Variants in TRMT11 observed in about 807,000 individuals in gnomAD.
TRMT11 encodes the protein tRNA methyltransferase 11, also known as tRNA (guanine(10)-N(2))-methyltransferase TRMT11.
In TRMT11, 53 loss-of-function variants were observed where a neutral mutation model predicts 62.8. The observed-to-expected ratio is 0.84, with a 90% CI of 0.68 to 1.06. The LOEUF (loss-of-function observed/expected upper bound fraction) is 1.06, where lower values mean the gene tolerates loss of function less well. Ranked by LOEUF, TRMT11 falls within the 50% of genes least tolerant of loss-of-function variation. The pLI is 0.00. For missense variants in TRMT11, 556 were observed against 553.4 expected, an observed-to-expected ratio of 1.00 and a Z score of -0.05; for synonymous variants, 188 against 190.3, an observed-to-expected ratio of 0.99 and a Z score of 0.10.
chr6:126,151,874 CTCCTTCCTTCCTTGTCTT>C (rs1778055262), intron 21 of TRMT11, among the ~76,000 whole-genome samples: 1 of 79,650 alleles, frequency 1.3e-5, no homozygotes, highest in Non-Finnish European at 2.5e-5. Context: ...TTCCTTCTTT[CTCCTTCCTTCCTTGTCTT>C]TTTCTTTCTT....
the TRMT11 span, among the ~76,000 whole-genome samples, chr6:126,219,178 C>T: frequency 6.6e-6 from 1 of 152,228 alleles, no homozygotes; most frequent in African/African-American, 2.4e-5. Context: ...GATGGCTCCC[C>T]TGATTTTTGG....
chr6:126,091,566 C>G (rs960937093), intron 17 of TRMT11, among the ~76,000 whole-genome samples: 1 of 152,108 alleles, frequency 6.6e-6, no homozygotes, highest in Non-Finnish European at 1.5e-5. Context: ...ACTCTTTGCT[C>G]TCTTAAACTC....
At chr6:126,050,280 A>G (rs1233066255) in intron 16 of TRMT11, among the ~76,000 whole-genome samples, 3 of 150,998 alleles carry the variant, frequency 2.0e-5, no homozygotes. Flanking sequence ...CAGTGAGCCA[A>G]GATTGTGCCA....
At chr6:126,194,697 T>C (rs1008054817) in intron 1 of TRMT11, among the ~76,000 whole-genome samples, 1 of 152,214 alleles carries the variant, frequency 6.6e-6, no homozygotes, top group Non-Finnish European at 1.5e-5. Context: ...ATTAACAAAC[T>C]TATTTGCTTT....
At chr6:126,171,414 A>G (rs1458735763) in intron 21 of TRMT11, among the ~76,000 whole-genome samples, 4 of 152,162 alleles carry the variant, frequency 2.6e-5, no homozygotes, top group Non-Finnish European at 4.4e-5. Flanking sequence ...TTATTTCATC[A>G]GAACTTGGTG....
chr6:126,104,229 G>A (rs757014622), intron 17 of TRMT11, among the ~76,000 whole-genome samples: 3 of 152,102 alleles, frequency 2.0e-5, no homozygotes, highest in Non-Finnish European at 4.4e-5. Context: ...ATGAATAGTC[G>A]CCGTTCAAAG....
intron 17 of TRMT11, among the ~76,000 whole-genome samples, chr6:126,072,413 C>T (rs182174190): frequency 8.5e-5 from 13 of 152,272 alleles, no homozygotes; most frequent in South Asian, 2.1e-4. Flanking sequence ...TTCTGCAAAT[C>T]CCATGCTTGT....
intron 17 of TRMT11, among the ~76,000 whole-genome samples, chr6:126,094,628 A>C (rs976007078): frequency 1.3e-5 from 2 of 152,192 alleles, no homozygotes; most frequent in South Asian, 4.1e-4. Context: ...GCGGGCATAG[A>C]GAATGCCAAG....
chr6:126,224,367 G>A, the TRMT11 span, among the ~76,000 whole-genome samples: 1 of 152,218 alleles, frequency 6.6e-6, no homozygotes, highest in African/African-American at 2.4e-5. Context: ...TGTGGTATAA[G>A]TTGGGTTCAA....
chr6:126,167,739 T>C (rs974714470), intron 21 of TRMT11, among the ~76,000 whole-genome samples: 2 of 152,206 alleles, frequency 1.3e-5, no homozygotes, highest in African/African-American at 2.4e-5. Flanking sequence ...CTCAAATGTA[T>C]GCAAGTGATA....
upstream of TRMT11, among the ~76,000 whole-genome samples, chr6:126,172,498 A>G (rs1778341654): frequency 6.6e-6 from 1 of 152,212 alleles, no homozygotes; most frequent in Admixed American, 6.5e-5. Flanking sequence ...TACCTCACAG[A>G]TTGCTCAGAA....
At chr6:125,988,609 T>C (rs1790059257) in intron 1 of TRMT11, among the ~76,000 whole-genome samples, 1 of 151,998 alleles carries the variant, frequency 6.6e-6, no homozygotes, top group South Asian at 2.1e-4. Flanking sequence ...TCTTGAGAGA[T>C]GATGGGCCAG....
At chr6:126,091,322 C>A (rs1777274374) in intron 17 of TRMT11, among the ~76,000 whole-genome samples, 2 of 152,126 alleles carry the variant, frequency 1.3e-5, no homozygotes, top group African/African-American at 4.8e-5. Context: ...AGGCCGTAAC[C>A]TACGCGTACC....
At chr6:126,091,417 G>A (rs1328014463) in intron 17 of TRMT11, among the ~76,000 whole-genome samples, 1 of 152,080 alleles carries the variant, frequency 6.6e-6, no homozygotes, top group Non-Finnish European at 1.5e-5. Context: ...AGCCAATCCA[G>A]CTGTTTCTGT....
the TRMT11 span, among the ~76,000 whole-genome samples, chr6:126,209,265 G>A: frequency 6.6e-6 from 1 of 152,108 alleles, no homozygotes; most frequent in African/African-American, 2.4e-5. Context: ...ATTATGATTA[G>A]TGTCATCATT....
At chr6:126,003,319 T>C (rs931628669) in intron 7 of TRMT11, among the ~76,000 whole-genome samples, 8 of 152,188 alleles carry the variant, frequency 5.3e-5, no homozygotes, top group African/African-American at 1.7e-4. Flanking sequence ...GTGTATTTTA[T>C]GTACAGCCCA....
rs572445437 is a variant in TRMT11 at position 126,065,377 on chromosome 6, C to T, written c.*1437+12187C>T. On this transcript the variant is annotated intron_variant and NMD_transcript_variant, in intron 17 of 22. Transcript: ENST00000648977. Reference sequence around the variant, plus strand: ...GCTGAGAGGCAACCACAGAGAGCCACGCCTTCAGGCAGCATGTAGGATACC... The same window carrying T: ...GCTGAGAGGCAACCACAGAGAGCCATGCCTTCAGGCAGCATGTAGGATACC... 8.5e-5 allele frequency among the ~76,000 whole-genome samples: 13 copies of T among 152,204 alleles called. No individual in the cohort carries two copies. In the South Asian group the frequency reaches 1.9e-3, roughly 22 times the overall value.
At chr6:126,203,284 C>T (rs574569658), downstream of TRMT11, among the ~76,000 whole-genome samples, 2 of 152,336 alleles carry the variant, frequency 1.3e-5, no homozygotes, top group East Asian at 3.9e-4. Flanking sequence ...GCAAATTACT[C>T]AGCTGGTCTA....
intron 21 of TRMT11, among the ~76,000 whole-genome samples, chr6:126,145,088 G>A (rs1343772348): frequency 2.0e-5 from 3 of 152,144 alleles, no homozygotes; most frequent in East Asian, 3.8e-4. Flanking sequence ...GGTGTGATTT[G>A]AAAATAGAGA....
Sources: allele counts gnomAD v4.1 joint callset (sites outside exome capture counted in the v4.1 genomes callset), GRCh38; gene constraint gnomAD v4.1.1; transcripts MANE v1.5; gene names NCBI Gene and HGNC (gene_info 2026-07-23, HGNC 2026-07-21).